The following UBR3 variants were observed in gnomAD, a reference collection of about 807,000 sequenced individuals.
The protein encoded by UBR3 is E3 ubiquitin-protein ligase UBR3.
In UBR3, 85 loss-of-function variants were observed where a neutral mutation model predicts 243.2. The ratio of observed to expected loss-of-function variants is 0.35; its 90% CI spans 0.29 to 0.42. UBR3 has a LOEUF of 0.42. Among genes scored for constraint, UBR3 ranks in the 10% least tolerant of loss-of-function variants. UBR3 has a pLI of 1.00. For synonymous variants in UBR3, 748 were observed against 799.8 expected (o/e 0.94, Z 1.09); for missense variants, 1,686 against 2,300.8 (o/e 0.73, Z 5.47).
chr2:170,008,478 G>GT (rs761533271), intron 28 of UBR3, among the ~76,000 whole-genome samples: 1 of 152,012 alleles, frequency 6.6e-6, no homozygotes, highest in African/African-American at 2.4e-5. Flanking sequence ...TGAAAGTCAG[G>GT]TTTTTTATAG....
chr2:169,955,427 A>G (rs1366775346), intron 23 of UBR3, among the ~76,000 whole-genome samples: 2 of 152,042 alleles, frequency 1.3e-5, no homozygotes, highest in Non-Finnish European at 2.9e-5. Flanking sequence ...AGTCATGTCA[A>G]GCTGGTTTCC....
intron 31 of UBR3, among the ~76,000 whole-genome samples, chr2:170,040,616 C>T (rs2090943308): frequency 6.6e-6 from 1 of 152,160 alleles, no homozygotes; most frequent in Non-Finnish European, 1.5e-5. Flanking sequence ...ATCAGAAACA[C>T]TCATAATCAA....
Position 169,946,275 on chromosome 2 carries a change from T to A in UBR3, c.2806-13T>A. 1 of 1,409,706 alleles carries A rather than the reference T, an allele frequency of 7.1e-7. No individual in the cohort carries two copies. The highest frequency in any genetic ancestry group is 9.5e-7 in the Non-Finnish European group (1 of 1,052,402). The allele number at this position is 1,409,706 out of a possible 1,614,324, so 87.3% of individuals were successfully genotyped here. A position where few individuals can be genotyped will look rare whatever the true frequency, so the allele number is the denominator to read the frequency against. On this transcript the variant is annotated splice_polypyrimidine_tract_variant and intron_variant, in intron 20 of 38. Coordinates refer to ENST00000272793, the MANE Select transcript of UBR3 (RefSeq NM_172070.4). ...AAAAAGTAATTATGAGGCATTTTCTTCCCTTTTTAAAGATTTTGATGGATC... is the reference window on the plus strand; with the variant it reads ...AAAAAGTAATTATGAGGCATTTTCTACCCTTTTTAAAGATTTTGATGGATC...
chr2:170,043,671 AG>A (rs1358645272), intron 32 of UBR3, among the ~76,000 whole-genome samples: 1 of 152,224 alleles, frequency 6.6e-6, no homozygotes, highest in Non-Finnish European at 1.5e-5. Context: ...ACTGTGTACC[AG>A]GTTGCTATGC....
At chr2:169,941,032 A>G (rs2086561881) in intron 19 of UBR3, among the ~76,000 whole-genome samples, 1 of 152,048 alleles carries the variant, frequency 6.6e-6, no homozygotes, top group African/African-American at 2.4e-5. Flanking sequence ...CAGCCATCAC[A>G]TTGTCATGGC....
chr2:170,080,480 A>T, intron 37 of UBR3, 65 bp from the exon 38 acceptor site: 2 of 1,430,998 alleles, frequency 1.4e-6, no homozygotes, highest in Non-Finnish European at 9.4e-7. Flanking sequence ...GCATTAATAT[A>T]TTCTTGATTT....
At position 170,007,019 on chromosome 2, in the gene UBR3, G is replaced by A. The variant is rs1368010533; in HGVS notation, c.4059G>A (p.Val1353=). 1.2e-6 allele frequency: 2 copies of A among 1,613,478 alleles called. No homozygotes were observed. The highest frequency in any genetic ancestry group is 2.2e-5 in the South Asian group (2 of 91,020). Residue 1353 remains valine, a synonymous_variant, in exon 28 of 39, where the codon GTG becomes GTA. Transcript: ENST00000272793. ...ACCAGGTTCTTCAGGGCTTCTCGGT[G>A]GACAAAGGAGAATTCACGTGTCCAC... is the stretch of plus-strand genomic sequence containing the variant. ...RNDQVLQGFS[V]DKGEFTCPLC...
chr2:169,874,696 A>G (rs1418397104), intron 2 of UBR3, among the ~76,000 whole-genome samples: 3 of 152,204 alleles, frequency 2.0e-5, no homozygotes, highest in East Asian at 1.9e-4. Flanking sequence ...CTATATTACT[A>G]TATAAGTCAC....
At position 170,080,644 on chromosome 2, in the gene UBR3, G is replaced by T. The variant is rs751177968; in HGVS notation, c.5509G>T (p.Val1837Leu). 2 of 1,613,946 alleles carry T rather than the reference G, an allele frequency of 1.2e-6. No homozygotes were observed. The highest frequency in any genetic ancestry group is 1.1e-5 in the South Asian group (1 of 91,018). ...TCACCGCTTCTGCCTCTGGGGTTCC[G>T]TGTATTTGGATGCTCATGGAGAGGA... ...RGHRFCLWGS[V>L]YLDAHGEEDR... The change falls in exon 38 of 39, where the codon GTG becomes TTG. Residue 1837 changes from valine (V) to leucine (L), a missense_variant. By Grantham distance (32) the Val-to-Leu change is conservative. Coordinates refer to ENST00000272793, the MANE Select transcript of UBR3 (RefSeq NM_172070.4).
Position 170,046,148 on chromosome 2 carries a change from G to A in UBR3, c.4660+5163G>A, listed in dbSNP as rs575681751. On this transcript the variant is annotated intron_variant, in intron 32 of 38. Transcript: ENST00000272793. ...CACCTGGCTAATTTTTGTATTTTTA[G>A]TAGAGACAGGGTTTCACCATGTTGG... Among the ~76,000 whole-genome samples, 22 of 152,090 alleles carry A rather than the reference G, an allele frequency of 1.4e-4. No individual in the cohort carries two copies. The East Asian group carries it at 2.9e-3, about 20-fold the overall frequency.
chr2:169,999,435 C>T (rs1024534591), intron 26 of UBR3, among the ~76,000 whole-genome samples: 4 of 152,190 alleles, frequency 2.6e-5, no homozygotes, highest in Non-Finnish European at 2.9e-5. Flanking sequence ...GAAGAGTCTT[C>T]ATTTAATATC....
chr2:169,832,969 A>G (rs1169040169), intron 1 of UBR3, among the ~76,000 whole-genome samples: 4 of 152,132 alleles, frequency 2.6e-5, no homozygotes, highest in Admixed American at 6.5e-5. Context: ...GGATGAACTC[A>G]AAACAAAATA....
intron 35 of UBR3, among the ~76,000 whole-genome samples, chr2:170,067,207 A>AT (rs1174453448): frequency 2.6e-4 from 40 of 152,102 alleles, no homozygotes; most frequent in Admixed American, 2.0e-3. Flanking sequence ...TGAGTTTCCT[A>AT]TCATAAGCTG....
chr2:170,040,076 T>G (rs1350288930), intron 31 of UBR3, among the ~76,000 whole-genome samples: 2 of 152,046 alleles, frequency 1.3e-5, no homozygotes, highest in Non-Finnish European at 2.9e-5. Flanking sequence ...TTATCTCTTT[T>G]TGAAACTTTG....
rs546664237 is a variant in UBR3, at chr2:170,069,970, TTATTA to T, written c.5020-3451_5020-3447del. ...CCTAATATAAATGCTATACGAATAGTTATTATATTATTTGTATTTTATTGTTATTT... is the reference window on the plus strand; with the variant it reads ...CCTAATATAAATGCTATACGAATAGTTATTATTTGTATTTTATTGTTATTT... On this transcript the variant is annotated intron_variant, in intron 35 of 38. Coordinates refer to ENST00000272793, the MANE Select transcript of UBR3 (RefSeq NM_172070.4). 3.4e-4 allele frequency among the ~76,000 whole-genome samples: 52 copies of T among 152,188 alleles called. No individual in the cohort carries two copies. The East Asian group carries it at 8.9e-3, about 26-fold the overall frequency.
intron 18 of UBR3, among the ~76,000 whole-genome samples, chr2:169,931,306 G>A (rs566981633): frequency 1.8e-4 from 26 of 142,712 alleles, no homozygotes; most frequent in Non-Finnish European, 2.7e-4. Context: ...AGCCGAGATC[G>A]CGCCACTGTA....
intron 5 of UBR3, among the ~76,000 whole-genome samples, chr2:169,881,956 A>ACATATAATATAT (rs1416513018): frequency 0.049 from 5,377 of 110,430 alleles, 139 homozygotes; most frequent in Middle Eastern, 0.1. Context: ...ATATGTATGT[A>ACATATAATATAT]TACATACATA....
intron 10 of UBR3, 94 bp downstream of exon 10, chr2:169,906,258 A>G (rs2085005229): frequency 7.4e-7 from 1 of 1,352,038 alleles, no homozygotes; most frequent in Non-Finnish European, 9.7e-7. Flanking sequence ...GCAGTGTTTA[A>G]TTTTGTTTCA....
chr2:169,868,541 C>G (rs753701258), intron 1 of UBR3, among the ~76,000 whole-genome samples: 27 of 152,172 alleles, frequency 1.8e-4, no homozygotes, highest in African/African-American at 5.8e-4. Context: ...GAACTCCTGA[C>G]ATCAAGTGAT....
Sources: gnomAD v4.1 joint callset for allele counts (sites outside exome capture counted in the v4.1 genomes callset) on GRCh38, gnomAD v4.1.1 for gene constraint, MANE v1.5 for transcripts, NCBI Gene and HGNC (gene_info 2026-07-23, HGNC 2026-07-21) for gene names.